Variants in PCDHGC3 observed in about 807,000 individuals in gnomAD.
The protein encoded by PCDHGC3 is protocadherin gamma-C3.
PCDHGC3 carries 26 observed loss-of-function variants against 59.2 expected under a neutral mutation model. The ratio of observed to expected loss-of-function variants is 0.44; its 90% CI spans 0.32 to 0.61. PCDHGC3 has a LOEUF of 0.61. Ranked by LOEUF, PCDHGC3 falls within the 20% of genes least tolerant of loss-of-function variation. The probability of loss-of-function intolerance (pLI) is 0.05; values close to 1 mark genes in which losing one functional copy is unlikely to be tolerated. For missense variants in PCDHGC3, 1,080 were observed against 1,221.8 expected, an observed-to-expected ratio of 0.88 and a Z score of 1.73; for synonymous variants, 487 against 519.7, an observed-to-expected ratio of 0.94 and a Z score of 0.86.
rs2099416627 is a variant in PCDHGC3 at position 141,477,726 on chromosome 5, C to T, written c.1610C>T (p.Ala537Val). 6.2e-7 allele frequency: 1 copy of T among 1,613,822 alleles called. No homozygotes were observed. The highest frequency in any genetic ancestry group is 8.5e-7 in the Non-Finnish European group (1 of 1,180,020). ...GATCGGCGGGAATTTGAATTAACAG[C>T]TCATATCAGCGATGGGGGCACCCCG... ...YEDRREFELTAHISDGGTPVL... is the reference protein window; with the variant it reads ...YEDRREFELTVHISDGGTPVL... The change falls in exon 1 of 4, where the codon GCT becomes GTT. Residue 537 changes from alanine (A) to valine (V), a missense_variant. Coordinates refer to ENST00000308177, the MANE Select transcript of PCDHGC3 (RefSeq NM_002588.4). This position sits in a 1 kb window ranked among gnomAD's most constrained non-coding sequence, Gnocchi z 4.9.
In PCDHGC3 at chr5:141,477,982, G is replaced by A; in HGVS notation, c.1866G>A (p.Gly622=). The part of the protein sequence containing the change: ...GSPNQSLFAI[G]LHTGQISTAR... ...CTAACCAGAGCCTTTTTGCCATAGG[G>A]CTGCACACTGGTCAAATCAGTACTG... is the stretch of plus-strand genomic sequence containing the variant. The change falls in exon 1 of 4, where the codon GGG becomes GGA. Residue 622 remains glycine (G), a synonymous_variant. Transcript: ENST00000308177. The surrounding 1 kb of genome is among the most constrained non-coding windows in gnomAD (Gnocchi z 4.9). 6.2e-7 allele frequency: 1 copy of A among 1,614,066 alleles called. No individual in the cohort carries two copies. Among genetic ancestry groups the A allele is most frequent in the Non-Finnish European group, 8.5e-7 (1 of 1,180,014 alleles).
chr5:141,478,635 A>T, intron 1 of PCDHGC3, 89 bp downstream of exon 1: 1 of 1,552,830 alleles, frequency 6.4e-7, no homozygotes, highest in Non-Finnish European at 8.7e-7. Context: ...TTTTTTAGTG[A>T]TGAAGATGTT....
At chr5:141,508,859 G>C (rs1268915304) in intron 3 of PCDHGC3, among the ~76,000 whole-genome samples, 1 of 152,086 alleles carries the variant, frequency 6.6e-6, no homozygotes, top group Non-Finnish European at 1.5e-5. Flanking sequence ...CCCAGGCTGG[G>C]AAAGGCTGAA....
chr5:141,479,521 T>A (rs4912607), intron 1 of PCDHGC3: 2 of 152,104 alleles, frequency 1.3e-5, no homozygotes, highest in Non-Finnish European at 2.9e-5. Context: ...CTGGCCCAGG[T>A]TGGAAGTGGA....
intron 2 of PCDHGC3, among the ~76,000 whole-genome samples, chr5:141,499,256 A>G (rs371266271): frequency 6.6e-6 from 1 of 151,968 alleles, no homozygotes; most frequent in Non-Finnish European, 1.5e-5. Context: ...AAGAGTCTCC[A>G]TTTGGTCCCT....
At chr5:141,510,304 A>G (rs1030803209) in intron 3 of PCDHGC3, among the ~76,000 whole-genome samples, 1 of 151,732 alleles carries the variant, frequency 6.6e-6, no homozygotes, top group Non-Finnish European at 1.5e-5. Context: ...CTGTTTTGAA[A>G]TGGAGGCTTG....
At position 141,485,892 on chromosome 5, in the gene PCDHGC3, C is replaced by T; in HGVS notation, c.2430+7346C>T. On this transcript the variant is annotated intron_variant, in intron 1 of 3. Coordinates refer to ENST00000308177, the MANE Select transcript of PCDHGC3 (RefSeq NM_002588.4). The surrounding 1 kb of genome is among the most constrained non-coding windows in gnomAD (Gnocchi z 5.7). ...GTGCTGGACGTAAACGACAACGCCC[C>T]AGCCTTCCAGCAATCCAGCTACAGG... is the stretch of plus-strand genomic sequence containing the variant. 6.2e-7 allele frequency: 1 copy of T among 1,614,194 alleles called. No individual in the cohort carries two copies.
At chr5:141,495,149 G>A (rs1448841303) in intron 2 of PCDHGC3, among the ~76,000 whole-genome samples, 1 of 152,170 alleles carries the variant, frequency 6.6e-6, no homozygotes, top group Non-Finnish European at 1.5e-5. Context: ...CCAAAGGATG[G>A]TCTTAAGCTG....
At position 141,493,666 on chromosome 5, in the gene PCDHGC3, C is replaced by T. The variant is rs1475584876; in HGVS notation, c.2431-1141C>T. On this transcript the variant is annotated intron_variant, in intron 1 of 3. Transcript: ENST00000308177. The surrounding 1 kb of genome is among the most constrained non-coding windows in gnomAD (Gnocchi z 4.3). ...GCCATCCCTGTGCCCTTCTCCATGG[C>T]AGCCCCAGAATGGTGCTGGTGACTC... 6.6e-6 allele frequency among the ~76,000 whole-genome samples: 1 copy of T among 152,176 alleles called. No individual in the cohort carries two copies. The highest frequency in any genetic ancestry group is 1.5e-5 in the Non-Finnish European group (1 of 68,028).
At chr5:141,482,957 C>A (rs2099575063) in intron 1 of PCDHGC3, among the ~76,000 whole-genome samples, 2 of 57,944 alleles carry the variant, frequency 3.5e-5, no homozygotes, top group Admixed American at 1.5e-4. Context: ...CCTGTAATTC[C>A]AGCTACTTGA....
chr5:141,511,233 TACCTGC>T lies in PCDHGC3; in HGVS notation c.*64_*69del. 4 of 1,595,428 alleles carry T rather than the reference TACCTGC, an allele frequency of 2.5e-6. No individual in the cohort carries two copies. The highest frequency in any genetic ancestry group is 3.4e-6 in the Non-Finnish European group (4 of 1,170,894). ...CTCCCCAACCAGCCCAGCTTCTCCT[TACCTGC>T]ACCCAGGCCTCAGAGTTTCAGGGCT... On this transcript the variant is annotated 3_prime_UTR_variant, in exon 4 of 4. Transcript: ENST00000308177.
intron 2 of PCDHGC3, among the ~76,000 whole-genome samples, chr5:141,501,212 A>G (rs936235563): frequency 1.9e-4 from 29 of 150,770 alleles, no homozygotes; most frequent in Admixed American, 1.8e-3. Flanking sequence ...TGTCAGGGTG[A>G]CTTCCTAGAT....
At chr5:141,496,509 C>A (rs955577717) in intron 2 of PCDHGC3, among the ~76,000 whole-genome samples, 3 of 152,168 alleles carry the variant, frequency 2.0e-5, no homozygotes, top group Non-Finnish European at 4.4e-5. Context: ...GCCACAAGGA[C>A]CCAGGAGCCC....
Position 141,476,191 on chromosome 5 carries a change from C to T in PCDHGC3, c.75C>T (p.Ala25=). The T allele has an allele frequency of 6.2e-7, 1 of 1,613,860 alleles. No homozygotes were observed. The highest frequency in any genetic ancestry group is 8.5e-7 in the Non-Finnish European group (1 of 1,180,006). ...TGGGAGTTTTGCTTCTGCTTGGTGC[C>T]TTGAACAAGGCTTCCACGGTCATTC... ...RVVGVLLLLG[A]LNKASTVIHY... Residue 25 remains alanine (A), a synonymous_variant, in exon 1 of 4, where the codon GCC becomes GCT. Transcript: ENST00000308177. This position sits in a 1 kb window ranked among gnomAD's most constrained non-coding sequence, Gnocchi z 7.6.
chr5:141,481,646 C>T (rs1425216422), intron 1 of PCDHGC3, among the ~76,000 whole-genome samples: 1 of 151,950 alleles, frequency 6.6e-6, no homozygotes, highest in African/African-American at 2.4e-5. Flanking sequence ...GGTGAAACTT[C>T]ATCTCTACTA....
In PCDHGC3 at chr5:141,489,203, C is replaced by A; in HGVS notation, c.2431-5604C>A. On this transcript the variant is annotated intron_variant, in intron 1 of 3. Transcript: ENST00000308177. The surrounding 1 kb of genome is among the most constrained non-coding windows in gnomAD (Gnocchi z 4.5). ...CCCTGGGTCTACCTTGGAGACAGGA[C>A]AGCACAGACTTACTCTCCACAAAGG... is the stretch of plus-strand genomic sequence containing the variant. 7.1e-7 allele frequency: 1 copy of A among 1,414,834 alleles called. No individual in the cohort carries two copies. Among genetic ancestry groups the A allele is most frequent in the Non-Finnish European group, 9.6e-7 (1 of 1,040,052 alleles). The allele number at this position is 1,414,834 out of a possible 1,614,324, so 87.6% of individuals were successfully genotyped here.
rs1386791249 is a variant in PCDHGC3 at position 141,511,417 on chromosome 5, G to A, written c.*244G>A. 1.2e-6 allele frequency: 1 copy of A among 835,942 alleles called. No homozygotes were observed. Among genetic ancestry groups the A allele is most frequent in the African/African-American group, 1.7e-5 (1 of 58,154 alleles). The allele number at this position is 835,942 out of a possible 1,614,324, so 51.8% of individuals were successfully genotyped here. A position where few individuals can be genotyped will look rare whatever the true frequency, so the allele number is the denominator to read the frequency against. The stretch of plus-strand genomic sequence containing the variant: ...CCATCCAATCAACTGCTGTACCCAT[G>A]GGGGTAGTGGGGTTACTGTAGACAC... On this transcript the variant is annotated 3_prime_UTR_variant, in exon 4 of 4. Transcript: ENST00000308177.
At chr5:141,482,048 G>T (rs375214441) in intron 1 of PCDHGC3, among the ~76,000 whole-genome samples, 12 of 150,156 alleles carry the variant, frequency 8.0e-5, no homozygotes, top group Middle Eastern at 6.9e-3. Flanking sequence ...TCATGCTGTT[G>T]CATTCCAGCC....
At chr5:141,505,300 G>A in intron 2 of PCDHGC3, 93 bp from the exon 3 acceptor site, 1 of 1,589,042 alleles carries the variant, frequency 6.3e-7, no homozygotes, top group South Asian at 1.1e-5. Flanking sequence ...GGTAGGGTTA[G>A]GGTACTAGGT....
Sources: allele counts gnomAD v4.1 joint callset (sites outside exome capture counted in the v4.1 genomes callset), GRCh38; gene constraint gnomAD v4.1.1; non-coding constraint Gnocchi (gnomAD v3.1); transcripts MANE v1.5; gene names NCBI Gene and HGNC (gene_info 2026-07-23, HGNC 2026-07-21).